PRPF6: variants seen among roughly 807,000 people sequenced by gnomAD.
The protein encoded by PRPF6 is pre-mRNA-processing factor 6.
PRPF6 carries 42 observed loss-of-function variants against 118.3 expected under a neutral mutation model. The observed-to-expected ratio is 0.35, with a 90% confidence interval of 0.28 to 0.46. PRPF6 has a LOEUF of 0.46. Among genes scored for constraint, PRPF6 ranks in the 20% least tolerant of loss-of-function variants. The pLI is 1.00. For synonymous variants in PRPF6, 481 were observed against 485.1 expected, an observed-to-expected ratio of 0.99 and a Z score of 0.11; for missense variants, 662 against 1,255.7, an observed-to-expected ratio of 0.53 and a Z score of 7.15.
intron 8 of PRPF6, 128 bp from the exon 9 acceptor site, chr20:64,000,949 A>T: frequency 1.1e-6 from 1 of 936,246 alleles, no homozygotes; most frequent in Non-Finnish European, 1.7e-6. Flanking sequence ...CAGGTGTGTT[A>T]GAGGCTGAGC....
At chr20:64,024,943 T>C (rs1440352906) in intron 14 of PRPF6, among the ~76,000 whole-genome samples, 3 of 152,106 alleles carry the variant, frequency 2.0e-5, no homozygotes, top group Non-Finnish European at 4.4e-5. Context: ...TTTCAGAACA[T>C]GGAACACGGG....
intron 5 of PRPF6, 50 bp downstream of exon 5, chr20:63,995,142 A>G (rs779803300): frequency 4.4e-5 from 71 of 1,610,614 alleles, no homozygotes; most frequent in Non-Finnish European, 5.2e-5. Flanking sequence ...CTGTTAGATC[A>G]GTGGCAGGAA....
intron 3 of PRPF6, among the ~76,000 whole-genome samples, chr20:63,985,268 A>C (rs749945896): frequency 1.3e-5 from 2 of 152,066 alleles, no homozygotes; most frequent in Non-Finnish European, 2.9e-5. Context: ...CTGAGGTGGA[A>C]GGACCGTTTA....
chr20:63,983,671 T>C (rs893079259), intron 2 of PRPF6, among the ~76,000 whole-genome samples: 9 of 149,124 alleles, frequency 6.0e-5, no homozygotes, highest in African/African-American at 2.3e-4. Flanking sequence ...TTTTTTTTTT[T>C]GAGACGGACT....
chr20:64,001,698 C>T (rs1188703194), intron 9 of PRPF6, among the ~76,000 whole-genome samples: 1 of 152,228 alleles, frequency 6.6e-6, no homozygotes, highest in South Asian at 2.1e-4. Context: ...CTCTTTCCTG[C>T]TGCTGACGAG....
intron 11 of PRPF6, among the ~76,000 whole-genome samples, chr20:64,013,105 C>T (rs2059222234): frequency 6.6e-6 from 1 of 152,030 alleles, no homozygotes. Flanking sequence ...GCTGGGATTA[C>T]AGGCACCCGC....
At chr20:64,021,264 C>T (rs2059261258) in intron 12 of PRPF6, among the ~76,000 whole-genome samples, 1 of 148,148 alleles carries the variant, frequency 6.8e-6, no homozygotes, top group Admixed American at 6.7e-5. Context: ...TGCACGTATG[C>T]CTATGCCTTG....
At chr20:64,019,092 G>GTTTTT (rs766307130) in intron 12 of PRPF6, among the ~76,000 whole-genome samples, 2 of 119,108 alleles carry the variant, frequency 1.7e-5, no homozygotes, top group Non-Finnish European at 3.4e-5. Flanking sequence ...TTTGTTGTTG[G>GTTTTT]TTTTTTTTTT....
At chr20:63,995,613 T>G in intron 6 of PRPF6, 131 bp downstream of exon 6, 1 of 1,014,686 alleles carries the variant, frequency 9.9e-7, no homozygotes, top group African/African-American at 1.6e-5. Context: ...CTTCTCCTTC[T>G]CCTTTTTTTT....
At chr20:63,982,696 C>T (rs2059076481) in intron 1 of PRPF6, among the ~76,000 whole-genome samples, 1 of 152,140 alleles carries the variant, frequency 6.6e-6, no homozygotes, top group Non-Finnish European at 1.5e-5. Flanking sequence ...CCCGTGGCAT[C>T]TGGGACAGCT....
In PRPF6 at chr20:64,016,742, G is replaced by A; in HGVS notation, c.1544G>A (p.Arg515Lys). 1 of 1,614,124 alleles carries A rather than the reference G, an allele frequency of 6.2e-7. No individual in the cohort carries two copies. The highest frequency in any genetic ancestry group is 8.5e-7 in the Non-Finnish European group (1 of 1,180,010). Residue 515 changes from arginine to lysine, a missense_variant, in exon 12 of 21, where the codon AGG (arginine) becomes AAG (lysine). Coordinates refer to ENST00000266079, the MANE Select transcript of PRPF6 (RefSeq NM_012469.4). Reference sequence around the variant, plus strand: ...TTTCAGGATGCCGAGGAATGTGACAGGGCTGGGAGTGTGGCCACCTGCCAG... The same window carrying A: ...TTTCAGGATGCCGAGGAATGTGACAAGGCTGGGAGTGTGGCCACCTGCCAG... Reference protein sequence around the residue: ...QWIQDAEECDRAGSVATCQAV... With the variant: ...QWIQDAEECDKAGSVATCQAV...
intron 12 of PRPF6, among the ~76,000 whole-genome samples, chr20:64,022,344 G>A (rs192352769): frequency 6.6e-6 from 1 of 152,270 alleles, no homozygotes; most frequent in Admixed American, 6.5e-5. Flanking sequence ...GTGTGACTCT[G>A]TCGCCCAGGC....
At position 64,011,178 on chromosome 20, in the gene PRPF6, C is replaced by A; in HGVS notation, c.1306-107C>A. ...GCCATGTTCAGATGGTTCTCGAGAG[C>A]TAAGAAAGAACGTGGTGGCCAACGC... is the stretch of plus-strand genomic sequence containing the variant. On this transcript the variant is annotated intron_variant, in intron 10 of 20. Coordinates refer to ENST00000266079, the MANE Select transcript of PRPF6 (RefSeq NM_012469.4). The surrounding 1 kb of genome is among the most constrained non-coding windows in gnomAD (Gnocchi z 6.7). The A allele has an allele frequency of 1.0e-6, 1 of 970,062 alleles. No homozygotes were observed. The highest frequency in any genetic ancestry group is 1.6e-6 in the Non-Finnish European group (1 of 622,156). The allele number at this position is 970,062 out of a possible 1,614,324, so 60.1% of individuals were successfully genotyped here. A position where few individuals can be genotyped will look rare whatever the true frequency, so the allele number is the denominator to read the frequency against.
chr20:64,000,322 C>T (rs1206800658), intron 8 of PRPF6, among the ~76,000 whole-genome samples: 5 of 152,084 alleles, frequency 3.3e-5, no homozygotes, highest in Admixed American at 1.3e-4. Context: ...AACCCCGTCT[C>T]TACTAAAAAT....
chr20:64,022,893 C>T lies in PRPF6; in HGVS notation c.1769+15C>T, dbSNP rs373804306. The T allele has an allele frequency of 1.7e-5, 27 of 1,613,902 alleles. No homozygotes were observed. In the African/African-American group the frequency reaches 3.3e-4, roughly 20 times the overall value. ...CATGGCACTCGGTATGTGGTGGGAC[C>T]CGCCTGCCCAAGGGTGCTAATGAAA... On this transcript the variant is annotated intron_variant, in intron 13 of 20. Coordinates refer to ENST00000266079, the MANE Select transcript of PRPF6 (RefSeq NM_012469.4).
intron 12 of PRPF6, among the ~76,000 whole-genome samples, chr20:64,020,459 G>A (rs2059257656): frequency 6.6e-6 from 1 of 152,128 alleles, no homozygotes; most frequent in South Asian, 2.1e-4. Flanking sequence ...AGAGGACGGT[G>A]ACTTGCCCCT....
At chr20:63,998,734 C>T (rs140163074) in intron 6 of PRPF6, among the ~76,000 whole-genome samples, 1,923 of 144,434 alleles carry the variant, frequency 0.013, 34 homozygotes, top group African/African-American at 0.047. Context: ...CCCAGCCACT[C>T]GGGAGGCTGA....
rs2059241335 is a variant in PRPF6 at position 64,016,983 on chromosome 20, C to T, written c.1647+138C>T. ...TCTGAGACGGGGTCTTGCTCTGTCG[C>T]CCAGGCTGGAGTGCAGTGGCGCTAT... is the stretch of plus-strand genomic sequence containing the variant. On this transcript the variant is annotated intron_variant, in intron 12 of 20. Transcript: ENST00000266079. The T allele has an allele frequency of 6.3e-6, 8 of 1,263,944 alleles. No homozygotes were observed. In the Admixed American group the frequency reaches 8.3e-5, roughly 13 times the overall value. The allele number at this position is 1,263,944 out of a possible 1,614,324, so 78.3% of individuals were successfully genotyped here. A position where few individuals can be genotyped will look rare whatever the true frequency, so the allele number is the denominator to read the frequency against.
chr20:64,027,543 G>A lies in PRPF6; in HGVS notation c.2206-60G>A, dbSNP rs1569225761. 28 of 1,612,046 alleles carry A rather than the reference G, an allele frequency of 1.7e-5. No homozygotes were observed. Among genetic ancestry groups the A allele is most frequent in the Non-Finnish European group, 2.3e-5 (27 of 1,178,404 alleles). On this transcript the variant is annotated intron_variant, in intron 16 of 20. Transcript: ENST00000266079. The surrounding 1 kb of genome is among the most constrained non-coding windows in gnomAD (Gnocchi z 6.5). ...CCACTGCAGATGAGAAGCTGGGCATGGCTGTGTCCCAGTTCTTCATAGACA... is the reference window on the plus strand; with the variant it reads ...CCACTGCAGATGAGAAGCTGGGCATAGCTGTGTCCCAGTTCTTCATAGACA...
Sources: gnomAD v4.1 joint callset for allele counts (sites outside exome capture counted in the v4.1 genomes callset) on GRCh38, gnomAD v4.1.1 for gene constraint, Gnocchi (gnomAD v3.1) non-coding constraint, MANE v1.5 for transcripts, NCBI Gene and HGNC (gene_info 2026-07-23, HGNC 2026-07-21) for gene names.